Variants in SCAF8 observed in about 807,000 individuals in gnomAD.
The protein encoded by SCAF8 is SR-related CTD associated factor 8, also known as SR-related and CTD-associated factor 8.
A neutral mutation model predicts 140.5 loss-of-function variants in SCAF8; 23 were observed. That is an observed-to-expected ratio of 0.16 (90% CI 0.12 to 0.23). The LOEUF is 0.23. Among genes scored for constraint, SCAF8 ranks in the 10% least tolerant of loss-of-function variants. SCAF8 has a pLI of 1.00. For missense variants in SCAF8, 1,397 were observed against 1,555.7 expected (o/e 0.90, Z 1.72); for synonymous variants, 575 against 528.9 (o/e 1.09, Z -1.20).
In SCAF8 at chr6:154,805,460, C is replaced by G. The variant is rs779597183; in HGVS notation, c.955C>G (p.Leu319Val). 3.1e-6 allele frequency: 5 copies of G among 1,608,074 alleles called. No homozygotes were observed. The highest frequency in any genetic ancestry group is 4.3e-6 in the Non-Finnish European group (5 of 1,175,676). The change falls in exon 9 of 20, where the codon CTC becomes GTC. Residue 319 changes from leucine (L) to valine (V), a missense_variant. Around this residue, in one of 5 missense-constraint regions of SCAF8, gnomAD observed 339 missense variants for 407.5 expected, o/e 0.83. Coordinates refer to ENST00000367178, the MANE Select transcript of SCAF8 (RefSeq NM_014892.5). The part of the protein sequence containing the change: ...QQNLEHLRQQ[L>V]LEQQQPQKAT... ...AAACCTAGAACATCTCAGACAGCAG[C>G]TCTTGGAGCAGCAACAGCCTCAAAA...
chr6:154,826,802 G>T (rs1258531318), intron 17 of SCAF8, among the ~76,000 whole-genome samples: 1 of 152,114 alleles, frequency 6.6e-6, no homozygotes, highest in Non-Finnish European at 1.5e-5. Flanking sequence ...GTGTTATCCA[G>T]AGTTAACGGA....
At chr6:154,758,201 C>T (rs1364825375) in intron 1 of SCAF8, among the ~76,000 whole-genome samples, 1 of 152,074 alleles carries the variant, frequency 6.6e-6, no homozygotes, top group Non-Finnish European at 1.5e-5. Context: ...TTTGAGCCAC[C>T]GTGCCTGGCC....
intron 1 of SCAF8, among the ~76,000 whole-genome samples, chr6:154,765,756 C>G (rs1326455707): frequency 1.3e-5 from 2 of 152,066 alleles, no homozygotes; most frequent in Non-Finnish European, 2.9e-5. Flanking sequence ...TATCAACCTT[C>G]TTTAAAGTTG....
chr6:154,830,162 T>G (rs1778690150), intron 18 of SCAF8, among the ~76,000 whole-genome samples: 1 of 152,206 alleles, frequency 6.6e-6, no homozygotes, highest in African/African-American at 2.4e-5. Flanking sequence ...TCTCATTTAA[T>G]TCTCTTAATT....
At chr6:154,774,141 AT>A (rs1235471185) in intron 2 of SCAF8, 69 bp downstream of exon 2, 6 of 1,001,796 alleles carry the variant, frequency 6.0e-6, no homozygotes, top group South Asian at 1.4e-5. Context: ...ATGGGGGATA[AT>A]TTTTTTATGG....
In SCAF8 at chr6:154,833,251, G is replaced by A; in HGVS notation, c.3672G>A (p.Gln1224=). ...VNGENTERHA[Q]PPPIPVQNDP... ...GTGAAAATACAGAGAGACATGCTCA[G>A]CCACCACCTATACCAGTACAGAATG... The change falls in exon 20 of 20, where the codon CAG becomes CAA. Residue 1224 remains glutamine (Q), a synonymous_variant. Coordinates refer to ENST00000367178, the MANE Select transcript of SCAF8 (RefSeq NM_014892.5). 6.2e-7 allele frequency: 1 copy of A among 1,613,990 alleles called. No homozygotes were observed. Among genetic ancestry groups the A allele is most frequent in the Non-Finnish European group, 8.5e-7 (1 of 1,179,988 alleles).
At chr6:154,772,690 A>G (rs927563902) in intron 1 of SCAF8, among the ~76,000 whole-genome samples, 23 of 152,164 alleles carry the variant, frequency 1.5e-4, no homozygotes, top group East Asian at 1.4e-3. Flanking sequence ...CCCTGTCTCA[A>G]TCAATCAATC....
chr6:154,778,142 G>T, intron 3 of SCAF8, 97 bp downstream of exon 3: 1 of 662,570 alleles, frequency 1.5e-6, no homozygotes, highest in Non-Finnish European at 2.6e-6. Context: ...TTGTTTTGAT[G>T]GACTGTTAAA....
Position 154,832,073 on chromosome 6 carries a change from T to C in SCAF8, c.2494T>C (p.Ser832Pro), listed in dbSNP as rs201456007. The C allele has an allele frequency of 1.5e-5, 25 of 1,614,142 alleles. No individual in the cohort carries two copies. The highest frequency in any genetic ancestry group is 2.1e-5 in the Non-Finnish European group (25 of 1,179,988). ...TTCTGAAATTCTTGGGGTCCGGCCA[T>C]CTAATGTTTCCAGTAGTTCTGGGAT... ...SNSEILGVRP[S>P]NVSSSSGIIA... The change falls in exon 20 of 20, where the codon TCT becomes CCT. Residue 832 changes from serine to proline, a missense_variant. Around this residue, in one of 5 missense-constraint regions of SCAF8, gnomAD observed 930 missense variants for 874.6 expected, o/e 1.06. Transcript: ENST00000367178.
intron 1 of SCAF8, among the ~76,000 whole-genome samples, chr6:154,760,156 T>C (rs1779066768): frequency 6.6e-6 from 1 of 151,968 alleles, no homozygotes; most frequent in Non-Finnish European, 1.5e-5. Flanking sequence ...TAGCCAGATG[T>C]AGTGGTGCAT....
intron 1 of SCAF8, among the ~76,000 whole-genome samples, chr6:154,756,196 A>G (rs892666521): frequency 1.3e-5 from 2 of 152,246 alleles, no homozygotes; most frequent in African/African-American, 4.8e-5. Context: ...TGTTAAATGC[A>G]TATGGGAGTG....
chr6:154,799,465 T>C (rs1047897909), intron 6 of SCAF8, among the ~76,000 whole-genome samples: 37 of 151,432 alleles, frequency 2.4e-4, no homozygotes, highest in African/African-American at 8.7e-4. Context: ...GTTCTCAGTT[T>C]GACCTATTGT....
In SCAF8 at chr6:154,833,094, A is replaced by G; in HGVS notation, c.3515A>G (p.Glu1172Gly). 6.2e-7 allele frequency: 1 copy of G among 1,614,138 alleles called. No homozygotes were observed. The highest frequency in any genetic ancestry group is 8.5e-7 in the Non-Finnish European group (1 of 1,180,012). The change falls in exon 20 of 20, where the codon GAA (glutamate) becomes GGA (glycine). Residue 1172 changes from glutamate to glycine, a missense_variant. Around this residue, in one of 5 missense-constraint regions of SCAF8, gnomAD observed 930 missense variants for 874.6 expected, o/e 1.06. Coordinates refer to ENST00000367178, the MANE Select transcript of SCAF8 (RefSeq NM_014892.5). ...GACAGAGATTTTGATTTCTGCAGAG[A>G]AATGAATGGAAATCGTCTTGGACGA... Reference protein sequence around the residue: ...RDDRDFDFCREMNGNRLGRDR... With the variant: ...RDDRDFDFCRGMNGNRLGRDR...
intron 1 of SCAF8, among the ~76,000 whole-genome samples, chr6:154,742,282 A>C (rs1421852317): frequency 6.6e-6 from 1 of 152,178 alleles, no homozygotes; most frequent in Non-Finnish European, 1.5e-5. Flanking sequence ...GTTTACTTGT[A>C]TTCTGCTCCA....
intron 15 of SCAF8, 88 bp downstream of exon 15, chr6:154,820,421 G>A: frequency 9.4e-7 from 1 of 1,068,876 alleles, no homozygotes. Context: ...AGCGTTAACT[G>A]TGTATCCTGG....
chr6:154,792,912 G>T lies in SCAF8; in HGVS notation c.411G>T (p.Gly137=). The change falls in exon 5 of 20, where the codon GGG becomes GGT. Residue 137 remains glycine (G), a synonymous_variant. Transcript: ENST00000367178. ...IIQPLLDMAA[G]IPPPVVTPVL... The stretch of plus-strand genomic sequence containing the variant: ...AGCCCCTTTTGGATATGGCAGCCGG[G>T]ATTCCGCCTCCAGTTGTCACACCTG... 1.2e-6 allele frequency: 2 copies of T among 1,613,864 alleles called. No homozygotes were observed. The highest frequency in any genetic ancestry group is 1.7e-6 in the Non-Finnish European group (2 of 1,179,874).
In SCAF8 at chr6:154,740,945, G is replaced by T. The variant is rs542485819; in HGVS notation, c.30+7015G>T. ...CTAAGTAAAGATTTCTTGAATGAATGGATGCAATCCTAGGTAGCTAAATGA... is the reference window on the plus strand; with the variant it reads ...CTAAGTAAAGATTTCTTGAATGAATTGATGCAATCCTAGGTAGCTAAATGA... On this transcript the variant is annotated intron_variant, in intron 1 of 19. Coordinates refer to ENST00000367178, the MANE Select transcript of SCAF8 (RefSeq NM_014892.5). 1.1e-4 allele frequency among the ~76,000 whole-genome samples: 17 copies of T among 152,168 alleles called. No homozygotes were observed. The South Asian group carries it at 1.7e-3, about 15-fold the overall frequency.
At chr6:154,823,586 T>G (rs1219310783) in intron 16 of SCAF8, among the ~76,000 whole-genome samples, 3 of 152,200 alleles carry the variant, frequency 2.0e-5, no homozygotes, top group Non-Finnish European at 2.9e-5. Context: ...AGGTTTTTGG[T>G]CCAAGAAATT....
rs1778319875 is a variant in SCAF8 at position 154,733,613 on chromosome 6, G to A, written c.-288G>A. On this transcript the variant is annotated 5_prime_UTR_variant, in exon 1 of 20. Coordinates refer to ENST00000367178, the MANE Select transcript of SCAF8 (RefSeq NM_014892.5). ...AGCGGGGCAGAGAAGAGAAGGCGCC[G>A]CGGCCCAGCCCCTCCCCCGCCCGCC... The A allele has an allele frequency of 7.7e-7, 1 of 1,290,776 alleles. No homozygotes were observed. The highest frequency in any genetic ancestry group is 1.5e-5 in the African/African-American group (1 of 64,664). The allele number at this position is 1,290,776 out of a possible 1,614,324, so 80.0% of individuals were successfully genotyped here.
Sources: gnomAD v4.1 joint callset for allele counts (sites outside exome capture counted in the v4.1 genomes callset) on GRCh38, gnomAD v4.1.1 for gene constraint, gnomAD v4.1.1 regional missense constraint, MANE v1.5 for transcripts, NCBI Gene and HGNC (gene_info 2026-07-23, HGNC 2026-07-21) for gene names.